GNA14: variants seen among roughly 807,000 people sequenced by gnomAD.
GNA14 encodes guanine nucleotide-binding protein subunit alpha-14.
Under a neutral mutation model 42.0 loss-of-function variants are expected in GNA14, and 50 were observed. The ratio of observed to expected loss-of-function variants is 1.19; its 90% CI spans 0.95 to 1.51. The LOEUF (loss-of-function observed/expected upper bound fraction) is 1.51, where lower values mean the gene tolerates loss of function less well. GNA14 is among the 40% of genes most tolerant of loss of function. The pLI is 0.00. For missense variants in GNA14, 473 were observed against 446.2 expected (o/e 1.06, Z -0.54); for synonymous variants, 173 against 163.1 (o/e 1.06, Z -0.46).
intron 1 of GNA14, among the ~76,000 whole-genome samples, chr9:77,582,017 CAT>C (rs1477168121): frequency 1.3e-5 from 2 of 152,246 alleles, no homozygotes; most frequent in Non-Finnish European, 2.9e-5. Flanking sequence ...CCCTGAAGCT[CAT>C]AAACACCCTG....
At chr9:77,491,744 T>C (rs1244280165) in intron 2 of GNA14, among the ~76,000 whole-genome samples, 1 of 152,170 alleles carries the variant, frequency 6.6e-6, no homozygotes, top group Non-Finnish European at 1.5e-5. Flanking sequence ...CTCTCAGTAA[T>C]GGACAGATCA....
chr9:77,462,545 CTA>C (rs1345483901), intron 2 of GNA14, among the ~76,000 whole-genome samples: 1 of 152,124 alleles, frequency 6.6e-6, no homozygotes, highest in Non-Finnish European at 1.5e-5. Flanking sequence ...TGGTGAAACC[CTA>C]TCTCTACTAA....
At chr9:77,578,754 G>T (rs763198352) in intron 1 of GNA14, among the ~76,000 whole-genome samples, 24 of 152,012 alleles carry the variant, frequency 1.6e-4, no homozygotes, top group African/African-American at 5.6e-4. Context: ...CCTCATTTCC[G>T]CACAAATTTT....
At chr9:77,544,558 C>G (rs981163205) in intron 1 of GNA14, among the ~76,000 whole-genome samples, 2 of 151,516 alleles carry the variant, frequency 1.3e-5, no homozygotes, top group Non-Finnish European at 2.9e-5. Context: ...CAAAAATTAG[C>G]CAGGCATGGT....
At chr9:77,424,332 C>T (rs990909022) in intron 6 of GNA14, among the ~76,000 whole-genome samples, 163 bp from the exon 7 acceptor site, 4 of 152,204 alleles carry the variant, frequency 2.6e-5, no homozygotes, top group African/African-American at 9.6e-5. Context: ...AAGCAATTCT[C>T]CTGCCTCAGC....
At chr9:77,511,629 G>GTGCCCAT (rs1837171972) in intron 2 of GNA14, among the ~76,000 whole-genome samples, 1 of 152,122 alleles carries the variant, frequency 6.6e-6, no homozygotes, top group Non-Finnish European at 1.5e-5. Context: ...AATCCAGGCA[G>GTGCCCAT]AATCCCAAGT....
chr9:77,443,726 C>A (rs560012886), intron 2 of GNA14, among the ~76,000 whole-genome samples: 2 of 152,304 alleles, frequency 1.3e-5, no homozygotes, highest in East Asian at 3.9e-4. Context: ...TTAATCCCAG[C>A]AATTTGGGAG....
intron 1 of GNA14, among the ~76,000 whole-genome samples, chr9:77,627,516 C>A (rs1824028590): frequency 6.6e-6 from 1 of 152,158 alleles, no homozygotes; most frequent in Non-Finnish European, 1.5e-5. Flanking sequence ...CAAACTGAAT[C>A]CAGCAGCACA....
At chr9:77,528,930 C>T (rs1837483855) in intron 2 of GNA14, 139 bp downstream of exon 2, 2 of 709,800 alleles carry the variant, frequency 2.8e-6, no homozygotes, top group Non-Finnish European at 4.9e-6. Flanking sequence ...ATTCCTTAAA[C>T]TCCTCTCAGT....
chr9:77,580,905 G>A (rs750133709), intron 1 of GNA14, among the ~76,000 whole-genome samples: 16 of 151,940 alleles, frequency 1.1e-4, no homozygotes, highest in African/African-American at 4.8e-5. Flanking sequence ...ATCTACTGAC[G>A]AGTTGCTCTA....
At chr9:77,563,540 T>C (rs1225347274) in intron 1 of GNA14, among the ~76,000 whole-genome samples, 2 of 152,188 alleles carry the variant, frequency 1.3e-5, no homozygotes, top group African/African-American at 4.8e-5. Context: ...GTATAAAATA[T>C]GCCTGATTCT....
intron 2 of GNA14, among the ~76,000 whole-genome samples, chr9:77,506,976 A>G (rs1837081173): frequency 6.6e-6 from 1 of 152,214 alleles, no homozygotes. Flanking sequence ...CTTGCCTCTT[A>G]TAAGTCACTG....
intron 1 of GNA14, among the ~76,000 whole-genome samples, chr9:77,583,056 A>AGGCAGTGCTCAGACACTTCCC (rs1823250977): frequency 1.3e-5 from 2 of 152,248 alleles, no homozygotes. Context: ...ATATAACAGA[A>AGGCAGTGCTCAGACACTTCCC]GGCAGTGCTC....
chr9:77,504,945 C>T (rs1346031595), intron 2 of GNA14, among the ~76,000 whole-genome samples: 2 of 152,036 alleles, frequency 1.3e-5, no homozygotes, highest in Non-Finnish European at 2.9e-5. Flanking sequence ...GGATTACAGG[C>T]ATATGAGCCA....
At chr9:77,594,246 C>T (rs1587841847) in intron 1 of GNA14, among the ~76,000 whole-genome samples, 1 of 152,344 alleles carries the variant, frequency 6.6e-6, no homozygotes, top group East Asian at 1.9e-4. Flanking sequence ...CAGGCCCATT[C>T]TTTAAATCTA....
At chr9:77,538,643 C>T (rs537311768) in intron 1 of GNA14, among the ~76,000 whole-genome samples, 1 of 152,148 alleles carries the variant, frequency 6.6e-6, no homozygotes, top group East Asian at 1.9e-4. Context: ...AGATCTTTCA[C>T]CTCACTGATT....
At chr9:77,637,962 GAAGATC>G (rs1425144394) in intron 1 of GNA14, among the ~76,000 whole-genome samples, 4 of 152,096 alleles carry the variant, frequency 2.6e-5, no homozygotes, top group African/African-American at 9.7e-5. Context: ...AAAAATACTG[GAAGATC>G]AATATATTAA....
intron 2 of GNA14, among the ~76,000 whole-genome samples, chr9:77,474,534 C>A (rs547513107): frequency 5.3e-5 from 8 of 152,106 alleles, no homozygotes; most frequent in Non-Finnish European, 1.2e-4. Context: ...AAACTGTAAC[C>A]CTCATACATG....
intron 1 of GNA14, 25 bp from the exon 2 acceptor site, chr9:77,529,278 C>G: frequency 6.3e-7 from 1 of 1,588,050 alleles, no homozygotes; most frequent in Non-Finnish European, 8.6e-7. Flanking sequence ...AAGTGGAAAA[C>G]GCTGTCAGCA....
Sources: gnomAD v4.1 joint callset for allele counts (sites outside exome capture counted in the v4.1 genomes callset) on GRCh38, gnomAD v4.1.1 for gene constraint, MANE v1.5 for transcripts, NCBI Gene and HGNC (gene_info 2026-07-23, HGNC 2026-07-21) for gene names.